STOX2: variants seen among roughly 807,000 people sequenced by gnomAD.
The protein encoded by STOX2 is storkhead box 2.
A neutral mutation model predicts 60.9 loss-of-function variants in STOX2; 28 were observed. The ratio of observed to expected loss-of-function variants is 0.46; its 90% CI spans 0.34 to 0.63. STOX2 has a LOEUF of 0.63. STOX2 is among the 30% of genes least tolerant of loss of function. STOX2 has a pLI of 0.01. For missense variants in STOX2, 1,024 were observed against 1,187.7 expected (o/e 0.86, Z 2.03); for synonymous variants, 472 against 463.9 (o/e 1.02, Z -0.22).
In STOX2 at chr4:183,806,971, T is replaced by C. The variant is rs1293579337; in HGVS notation, c.364+8916T>C. Among the ~76,000 whole-genome samples the C allele has an allele frequency of 3.8e-4, 3 of 7,904 alleles. No individual in the cohort carries two copies. Among genetic ancestry groups the C allele is most frequent in the South Asian group, 0.01 (1 of 96 alleles). 5.2% of individuals were successfully genotyped at this position (7,904 alleles called of 152,430 possible). A position where few individuals can be genotyped will look rare whatever the true frequency, so the allele number is the denominator to read the frequency against. ...GAGTCCCAGATGCTTTCTGACACTT[T>C]CTTTTTTTCTTTTTTTTTTGAGACG... On this transcript the variant is annotated intron_variant, in intron 1 of 2. Coordinates refer to the STOX2 transcript ENST00000513034. The surrounding 1 kb of genome is among the most constrained non-coding windows in gnomAD (Gnocchi z 4.1).
intron 1 of STOX2, among the ~76,000 whole-genome samples, chr4:183,883,344 G>C (rs986057330): frequency 6.9e-6 from 1 of 143,886 alleles, no homozygotes; most frequent in Non-Finnish European, 1.5e-5. Flanking sequence ...TTTTGAGACA[G>C]AGTCTCGCTC....
In STOX2 at chr4:183,994,520, G is replaced by A. The variant is rs182826128; in HGVS notation, c.167-6805G>A. 2.2e-3 allele frequency among the ~76,000 whole-genome samples: 335 copies of A among 152,314 alleles called. 1 individual carries two copies. The highest frequency in any genetic ancestry group is 6.8e-3 in the Middle Eastern group (2 of 294). ...TGAGTGTTAAAATAGTGTCCCCAGC[G>A]TGATGGAAGCAGAGCTAGACACCCG... On this transcript the variant is annotated intron_variant, in intron 1 of 3. Transcript: ENST00000308497.
intron 1 of STOX2, among the ~76,000 whole-genome samples, chr4:183,992,697 A>G (rs924787260): frequency 6.6e-6 from 1 of 152,208 alleles, no homozygotes; most frequent in Admixed American, 6.5e-5. Context: ...CCTTGTTGGT[A>G]AGTGGCTTTA....
chr4:183,887,355 G>A (rs1461771240), intron 1 of STOX2, among the ~76,000 whole-genome samples: 1 of 152,186 alleles, frequency 6.6e-6, no homozygotes, highest in African/African-American at 2.4e-5. Flanking sequence ...ATCAATTTAG[G>A]CCGTTATAAA....
chr4:183,834,704 G>A (rs1739660299), intron 1 of STOX2, among the ~76,000 whole-genome samples: 1 of 152,192 alleles, frequency 6.6e-6, no homozygotes, highest in Admixed American at 6.5e-5. Flanking sequence ...AGAACACAAA[G>A]TCTCTTGAAC....
chr4:183,890,879 G>A (rs1013359236), intron 1 of STOX2, among the ~76,000 whole-genome samples: 8 of 152,166 alleles, frequency 5.3e-5, no homozygotes, highest in African/African-American at 7.2e-5. Context: ...AGGCTGAGGC[G>A]GGAGGATCGC....
intron 1 of STOX2, among the ~76,000 whole-genome samples, chr4:183,867,988 T>TA (rs1265994762): frequency 3.3e-5 from 5 of 152,214 alleles, no homozygotes; most frequent in African/African-American, 1.2e-4. Context: ...ATTTGCATAA[T>TA]AAAGAAGCAA....
At chr4:184,007,550 C>T (rs72697712) in intron 2 of STOX2, among the ~76,000 whole-genome samples, 1,939 of 152,290 alleles carry the variant, frequency 0.013, 24 homozygotes, top group Middle Eastern at 0.02. Flanking sequence ...CTTTTGATGA[C>T]AGTGAATGGA....
chr4:183,888,001 GCCTTGGCCTC>G (rs1741121690), intron 1 of STOX2, among the ~76,000 whole-genome samples: 1 of 152,184 alleles, frequency 6.6e-6, no homozygotes, highest in Admixed American at 6.5e-5. Context: ...TGATCCTCCT[GCCTTGGCCTC>G]CCAAAGTGTT....
chr4:183,999,193 C>T (rs1307074455), intron 1 of STOX2, among the ~76,000 whole-genome samples: 1 of 152,114 alleles, frequency 6.6e-6, no homozygotes, highest in Non-Finnish European at 1.5e-5. Flanking sequence ...CTGAGGTGGT[C>T]CCAGCCCACG....
intron 1 of STOX2, among the ~76,000 whole-genome samples, chr4:183,963,540 C>T (rs1347014687): frequency 6.6e-6 from 1 of 151,220 alleles, no homozygotes; most frequent in Non-Finnish European, 1.5e-5. Flanking sequence ...GATTCTCATG[C>T]CTCAGCCTCC....
rs188185909 is a variant in STOX2 at position 183,810,598 on chromosome 4, C to T, written c.364+12543C>T. 3.6e-3 allele frequency among the ~76,000 whole-genome samples: 553 copies of T among 152,294 alleles called. 2 individuals are homozygous for T. The highest frequency in any genetic ancestry group is 0.016 in the Admixed American group (251 of 15,292). ...TGGAATCTAATCCCCAGTGCAACAG[C>T]GTTGACAGGTGGGAACTGTAAGAGG... On this transcript the variant is annotated intron_variant, in intron 1 of 2. Coordinates refer to the STOX2 transcript ENST00000513034.
rs577855944 is a variant in STOX2, at chr4:183,833,136, C to T, written c.364+35081C>T. 2.6e-5 allele frequency among the ~76,000 whole-genome samples: 4 copies of T among 152,294 alleles called. No individual in the cohort carries two copies. In the East Asian group the frequency reaches 5.8e-4, roughly 22 times the overall value. The stretch of plus-strand genomic sequence containing the variant: ...AACATTGATACACTCAGTTCTTAAT[C>T]GTCTTTCTAAATTCAGTGACAGTTC... On this transcript the variant is annotated intron_variant, in intron 1 of 2. Transcript: ENST00000513034.
chr4:183,944,741 A>G (rs1340014149), intron 1 of STOX2, among the ~76,000 whole-genome samples: 2 of 152,242 alleles, frequency 1.3e-5, no homozygotes, highest in East Asian at 3.8e-4. Context: ...AAATGGTGAG[A>G]AAGTCATTTA....
intron 1 of STOX2, among the ~76,000 whole-genome samples, chr4:183,929,738 G>C (rs115922869): frequency 6.6e-6 from 1 of 152,146 alleles, no homozygotes; most frequent in Non-Finnish European, 1.5e-5. Context: ...CCACAGCATC[G>C]ACAAGCTCCC....
At chr4:183,961,244 G>A (rs1402586502) in intron 1 of STOX2, among the ~76,000 whole-genome samples, 5 of 152,148 alleles carry the variant, frequency 3.3e-5, no homozygotes, top group Non-Finnish European at 5.9e-5. Flanking sequence ...AGAGCTCACC[G>A]AGCTGTCATA....
In STOX2 at chr4:183,836,361, T is replaced by C. The variant is rs934565786; in HGVS notation, c.364+38306T>C. On this transcript the variant is annotated intron_variant, in intron 1 of 2. Coordinates refer to the STOX2 transcript ENST00000513034. The surrounding 1 kb of genome is among the most constrained non-coding windows in gnomAD (Gnocchi z 4.1). ...GCAGCAACAGTGGTCTGAGGACCAC[T>C]AAAAATAAACATAAGGAGTGTCACT... 6.6e-6 allele frequency among the ~76,000 whole-genome samples: 1 copy of C among 152,210 alleles called. No homozygotes were observed. The highest frequency in any genetic ancestry group is 1.5e-5 in the Non-Finnish European group (1 of 68,046).
At chr4:183,880,074 G>A (rs920453266) in intron 1 of STOX2, among the ~76,000 whole-genome samples, 1 of 152,136 alleles carries the variant, frequency 6.6e-6, no homozygotes, top group Non-Finnish European at 1.5e-5. Context: ...CGCTTCCCGG[G>A]TTCAAGCGAT....
intron 1 of STOX2, among the ~76,000 whole-genome samples, chr4:183,919,332 G>C (rs1020710230): frequency 4.6e-5 from 7 of 152,208 alleles, no homozygotes; most frequent in Admixed American, 3.3e-4. Flanking sequence ...TGCTTGCAAG[G>C]CTTCCTCTCC....
Sources: allele counts gnomAD v4.1 joint callset (sites outside exome capture counted in the v4.1 genomes callset), GRCh38; gene constraint gnomAD v4.1.1; non-coding constraint Gnocchi (gnomAD v3.1); transcripts MANE v1.5; gene names NCBI Gene and HGNC (gene_info 2026-07-23, HGNC 2026-07-21).